Variants in ADAMTS5 observed in about 807,000 individuals in gnomAD.
The protein encoded by ADAMTS5 is ADAM metallopeptidase with thrombospondin type 1 motif 5.
ADAMTS5 carries 54 observed loss-of-function variants against 81.4 expected under a neutral mutation model. That is an observed-to-expected ratio of 0.66 (90% CI 0.53 to 0.83). The LOEUF is 0.83. Among genes scored for constraint, ADAMTS5 ranks in the 40% least tolerant of loss-of-function variants. ADAMTS5 has a pLI of 0.00. For missense variants in ADAMTS5, 1,194 were observed against 1,229.9 expected, an observed-to-expected ratio of 0.97 and a Z score of 0.44; for synonymous variants, 532 against 508.8, an observed-to-expected ratio of 1.05 and a Z score of -0.61.
intron 7 of ADAMTS5, among the ~76,000 whole-genome samples, chr21:26,928,036 G>A (rs771800047): frequency 6.6e-6 from 1 of 151,814 alleles, no homozygotes; most frequent in Admixed American, 6.6e-5. Context: ...TTAAGATTAG[G>A]GTCATATTGT....
At chr21:26,952,132 A>G (rs182547718) in intron 2 of ADAMTS5, among the ~76,000 whole-genome samples, 117 of 152,332 alleles carry the variant, frequency 7.7e-4, no homozygotes, top group African/African-American at 2.7e-3. Context: ...GAAGTTAAAT[A>G]GAGAGTGTTT....
chr21:26,951,815 C>G (rs233897), intron 2 of ADAMTS5, among the ~76,000 whole-genome samples: 47,234 of 148,530 alleles, frequency 0.32, 7,806 homozygotes, highest in South Asian at 0.42. Context: ...CCAAAAAATA[C>G]AGCACGGGAA....
chr21:26,939,511 G>A (rs1055464972), intron 3 of ADAMTS5: 1 of 152,172 alleles, frequency 6.6e-6, no homozygotes, highest in Non-Finnish European at 1.5e-5. Context: ...AAGATTCAGA[G>A]AACTGGTTTT....
In ADAMTS5 at chr21:26,966,220, G is replaced by A. The variant is rs772438445; in HGVS notation, c.172C>T (p.Pro58Ser). Residue 58 changes from proline to serine, a missense_variant, in exon 1 of 8, where the codon CCC becomes TCC. Pro to Ser is a moderately conservative substitution (Grantham distance 74, BLOSUM62 -1). Coordinates refer to ENST00000284987, the MANE Select transcript of ADAMTS5 (RefSeq NM_007038.5). ...TGCGCCAGGGGGTGCGGGTGGCCGG[G>A]AGGCTCGGCTCGCTCCTGCACCTCC... ...GEEVQERAEP[P>S]GHPHPLAQRR... The A allele has an allele frequency of 6.3e-7, 1 of 1,599,532 alleles. No individual in the cohort carries two copies. Among genetic ancestry groups the A allele is most frequent in the African/African-American group, 1.3e-5 (1 of 74,584 alleles).
At chr21:26,926,968 C>G (rs1986816600) in intron 7 of ADAMTS5, among the ~76,000 whole-genome samples, 1 of 152,152 alleles carries the variant, frequency 6.6e-6, no homozygotes. Context: ...TTCACAAGCA[C>G]TAGTAAACCT....
rs140087650 is a variant in ADAMTS5, at chr21:26,958,398, G to T, written c.1105-3527C>A. ...ACACAAACGCATGCATATTTGTTCT[G>T]TGGATCTGATTCTTGATTCTTGAGG... On this transcript the variant is annotated intron_variant, in intron 1 of 7. Coordinates refer to ENST00000284987, the MANE Select transcript of ADAMTS5 (RefSeq NM_007038.5). Among the ~76,000 whole-genome samples, 1,090 of 152,232 alleles carry T rather than the reference G, an allele frequency of 7.2e-3. 3 individuals carry two copies. The highest frequency in any genetic ancestry group is 0.01 in the Non-Finnish European group (694 of 68,022).
chr21:26,923,867 A>G lies in ADAMTS5; in HGVS notation c.*186T>C, dbSNP rs1349953486. On this transcript the variant is annotated 3_prime_UTR_variant, in exon 8 of 8. Transcript: ENST00000284987. ...AGTTTTTCTATATTGCAAGGTCACC[A>G]CTGTCACGTGAAGCAGTGCACATCC... 1 of 583,088 alleles carries G rather than the reference A, an allele frequency of 1.7e-6. No individual in the cohort carries two copies. Among genetic ancestry groups the G allele is most frequent in the Non-Finnish European group, 2.9e-6 (1 of 344,560 alleles). The allele number at this position is 583,088 out of a possible 1,614,324, so 36.1% of individuals were successfully genotyped here.
At chr21:26,930,693 A>T (rs1334465478) in intron 6 of ADAMTS5, among the ~76,000 whole-genome samples, 1 of 152,222 alleles carries the variant, frequency 6.6e-6, no homozygotes. Context: ...GTTATAAAAC[A>T]GTGTGTATAT....
Position 26,922,696 on chromosome 21 carries a change from A to G in ADAMTS5, c.*1357T>C, listed in dbSNP as rs1337241326. On this transcript the variant is annotated 3_prime_UTR_variant, in exon 8 of 8. Coordinates refer to ENST00000284987, the MANE Select transcript of ADAMTS5 (RefSeq NM_007038.5). ...ACCTACTTAAACAGGCTATGGAAAC[A>G]AAAACAACAACTTTCTGAAAATCAT... 7 of 152,496 alleles carry G rather than the reference A, an allele frequency of 4.6e-5. No homozygotes were observed. Among genetic ancestry groups the G allele is most frequent in the Admixed American group, 4.6e-4 (7 of 15,284 alleles). 9.4% of individuals were successfully genotyped at this position (152,496 alleles called of 1,614,324 possible). A position where few individuals can be genotyped will look rare whatever the true frequency, so the allele number is the denominator to read the frequency against.
At chr21:26,933,182 G>T in intron 4 of ADAMTS5, 138 bp from the exon 5 acceptor site, 1 of 943,614 alleles carries the variant, frequency 1.1e-6, no homozygotes, top group Non-Finnish European at 1.6e-6. Context: ...AATTTAACAT[G>T]ATCATGCTTT....
At chr21:26,939,985 C>T (rs890314764) in intron 3 of ADAMTS5, among the ~76,000 whole-genome samples, 1 of 152,276 alleles carries the variant, frequency 6.6e-6, no homozygotes. Context: ...AGAGTGAGCA[C>T]GCTGGTTTTT....
At chr21:26,930,145 G>A in intron 6 of ADAMTS5, 84 bp from the exon 7 acceptor site, 2 of 1,387,912 alleles carry the variant, frequency 1.4e-6, no homozygotes, top group South Asian at 1.3e-5. Context: ...TCTCATTTGT[G>A]ATTTTTTGAG....
chr21:26,926,033 AG>A (rs1768052590), intron 7 of ADAMTS5, among the ~76,000 whole-genome samples: 1 of 152,252 alleles, frequency 6.6e-6, no homozygotes, highest in South Asian at 2.1e-4. Flanking sequence ...GAAAGTCAAA[AG>A]GGATGTTGGA....
rs983226707 is a variant in ADAMTS5, at chr21:26,923,494, C to T, written c.*559G>A. The T allele has an allele frequency of 2.0e-5, 3 of 152,706 alleles. No homozygotes were observed. The highest frequency in any genetic ancestry group is 2.4e-5 in the African/African-American group (1 of 41,436). 9.5% of individuals were successfully genotyped at this position (152,706 alleles called of 1,614,324 possible). A position where few individuals can be genotyped will look rare whatever the true frequency, so the allele number is the denominator to read the frequency against. ...GAAAATATACTACATCTTATTAAAACAGCAGCAAGTTCTTAATTTCCAGTA... is the reference window on the plus strand; with the variant it reads ...GAAAATATACTACATCTTATTAAAATAGCAGCAAGTTCTTAATTTCCAGTA... On this transcript the variant is annotated 3_prime_UTR_variant, in exon 8 of 8. Transcript: ENST00000284987.
rs141641116 is a variant in ADAMTS5 at position 26,940,721 on chromosome 21, T to C, written c.1405+2659A>G. Reference sequence around the variant, plus strand: ...AGTAAAGTTAAAAGGTTTTATAATATAGTTTTGTGACATCGTTTAGTCTTC... The same window carrying C: ...AGTAAAGTTAAAAGGTTTTATAATACAGTTTTGTGACATCGTTTAGTCTTC... On this transcript the variant is annotated intron_variant, in intron 3 of 7. Coordinates refer to ENST00000284987, the MANE Select transcript of ADAMTS5 (RefSeq NM_007038.5). Among the ~76,000 whole-genome samples the C allele has an allele frequency of 7.4e-3, 1,120 of 152,252 alleles. 12 individuals carry two copies. Among genetic ancestry groups the C allele is most frequent in the African/African-American group, 0.026 (1,065 of 41,550 alleles).
chr21:26,934,814 T>C, intron 3 of ADAMTS5, 65 bp from the exon 4 acceptor site: 1 of 1,578,040 alleles, frequency 6.3e-7, no homozygotes, highest in Admixed American at 1.7e-5. Context: ...AAATCATGGA[T>C]CTAAAAATGA....
At position 26,947,741 on chromosome 21, in the gene ADAMTS5, G is replaced by C. The variant is rs568554970; in HGVS notation, c.1238-4194C>G. ...TGAACCACTGCGCCCGATCAGAACT[G>C]TATTTCGCTGTTTGAAATAATTAGT... On this transcript the variant is annotated intron_variant, in intron 2 of 7. Coordinates refer to ENST00000284987, the MANE Select transcript of ADAMTS5 (RefSeq NM_007038.5). Among the ~76,000 whole-genome samples, 4 of 152,266 alleles carry C rather than the reference G, an allele frequency of 2.6e-5. No individual in the cohort carries two copies. The East Asian group carries it at 7.7e-4, about 29-fold the overall frequency.
intron 7 of ADAMTS5, among the ~76,000 whole-genome samples, chr21:26,925,546 T>A (rs1208545782): frequency 6.6e-6 from 1 of 152,210 alleles, no homozygotes; most frequent in Non-Finnish European, 1.5e-5. Context: ...ATGGAAATGC[T>A]AATTAAGCAC....
At chr21:26,956,677 T>C (rs909410733) in intron 1 of ADAMTS5, among the ~76,000 whole-genome samples, 2 of 152,144 alleles carry the variant, frequency 1.3e-5, no homozygotes, top group African/African-American at 4.8e-5. Flanking sequence ...TAAAACAAGA[T>C]TTATGTTTAT....
Sources: gnomAD v4.1 joint callset for allele counts (sites outside exome capture counted in the v4.1 genomes callset) on GRCh38, gnomAD v4.1.1 for gene constraint, MANE v1.5 for transcripts, NCBI Gene and HGNC (gene_info 2026-07-23, HGNC 2026-07-21) for gene names.